SCN9A: variants seen among roughly 807,000 people sequenced by gnomAD.
SCN9A encodes sodium channel protein type 9 subunit alpha.
SCN9A carries 131 observed loss-of-function variants against 187.0 expected under a neutral mutation model. That is an observed-to-expected ratio of 0.70 (90% CI 0.61 to 0.81). The LOEUF (loss-of-function observed/expected upper bound fraction) is 0.81. SCN9A is among the 30% of genes least tolerant of loss of function. The probability of loss-of-function intolerance (pLI) is 0.00; values close to 1 mark genes in which losing one functional copy is unlikely to be tolerated. For missense variants in SCN9A, 2,252 were observed against 2,396.6 expected (o/e 0.94, Z 1.26); for synonymous variants, 809 against 808.6 (o/e 1.00, Z -0.01).
At chr2:166,373,360 A>G (rs1574977754) in intron 1 of SCN9A, among the ~76,000 whole-genome samples, 1 of 140,052 alleles carries the variant, frequency 7.1e-6, no homozygotes, top group African/African-American at 2.7e-5. Flanking sequence ...TTGTTAGGGG[A>G]GACAGGATGG....
chr2:166,242,541 GC>G lies in SCN9A; in HGVS notation c.3587del (p.Ser1196ThrfsTer6). On this transcript the variant is annotated frameshift_variant, in exon 19 of 27. Coordinates refer to ENST00000642356, the MANE Select transcript of SCN9A (RefSeq NM_001365536.1). LOFTEE classifies it high-confidence loss of function. ...YKIVEHSWFE[S>X]FIVLMILLSS... is the part of the protein sequence containing the mutation. ...TGAGCAGGATCATGAGGACAATGAA[GC>G]TTTCAAACCAACTGTGTTCAACAAT... is the stretch of plus-strand genomic sequence containing the variant. 6.3e-7 allele frequency: 1 copy of G among 1,596,130 alleles called. No homozygotes were observed. The highest frequency in any genetic ancestry group is 8.5e-7 in the Non-Finnish European group (1 of 1,170,754).
chr2:166,343,782 T>G lies in SCN9A; in HGVS notation c.-51+31915A>C, dbSNP rs1699840413. Among the ~76,000 whole-genome samples, 3 of 149,946 alleles carry G rather than the reference T, an allele frequency of 2.0e-5. No individual in the cohort carries two copies. In the South Asian group the frequency reaches 6.3e-4, roughly 32 times the overall value. On this transcript the variant is annotated intron_variant, in intron 1 of 26. Coordinates refer to ENST00000642356, the MANE Select transcript of SCN9A (RefSeq NM_001365536.1). ...ACTGCACTCAGCCTGGGAGACAGAGTGAGATTGTGTTTCAAAAAAAGAAAA... is the reference window on the plus strand; with the variant it reads ...ACTGCACTCAGCCTGGGAGACAGAGGGAGATTGTGTTTCAAAAAAAGAAAA...
chr2:166,316,367 A>G (rs562685659), intron 1 of SCN9A, among the ~76,000 whole-genome samples: 1 of 152,304 alleles, frequency 6.6e-6, no homozygotes, highest in African/African-American at 2.4e-5. Flanking sequence ...GTTATAGGGG[A>G]AATCAGTGTT....
At chr2:166,281,324 G>C (rs946596914) in intron 13 of SCN9A, among the ~76,000 whole-genome samples, 2 of 152,142 alleles carry the variant, frequency 1.3e-5, no homozygotes, top group African/African-American at 4.8e-5. Flanking sequence ...ATTATATAGT[G>C]ACAGAATCAC....
chr2:166,294,370 A>G (rs1322439030), intron 8 of SCN9A, among the ~76,000 whole-genome samples: 1 of 152,172 alleles, frequency 6.6e-6, no homozygotes, highest in Non-Finnish European at 1.5e-5. Context: ...GATTTATATG[A>G]CTTCTGTCTT....
In SCN9A at chr2:166,196,828, T is replaced by C. The variant is rs1312353746; in HGVS notation, c.*1844A>G. ...TAGCCTAAGATGAATGAACCTAAGA[T>C]GGTATAAAGAATCTTTAGCCCTAGA... On this transcript the variant is annotated 3_prime_UTR_variant, in exon 27 of 27. Transcript: ENST00000642356. The C allele has an allele frequency of 6.6e-6, 1 of 152,138 alleles. No homozygotes were observed. The highest frequency in any genetic ancestry group is 1.5e-5 in the Non-Finnish European group (1 of 67,990). 9.4% of individuals were successfully genotyped at this position (152,138 alleles called of 1,614,324 possible).
chr2:166,317,055 G>T (rs929186725), intron 1 of SCN9A, among the ~76,000 whole-genome samples: 2 of 151,836 alleles, frequency 1.3e-5, no homozygotes, highest in Non-Finnish European at 2.9e-5. Flanking sequence ...CACACAGATA[G>T]ATGTAAATTA....
At chr2:166,296,211 G>T (rs1161784398) in intron 7 of SCN9A, 1 of 152,062 alleles carries the variant, frequency 6.6e-6, no homozygotes, top group East Asian at 1.9e-4. Flanking sequence ...TTATAAAGTT[G>T]TTAAATAGTA....
At chr2:166,321,117 A>T (rs1699226608) in intron 1 of SCN9A, among the ~76,000 whole-genome samples, 1 of 152,234 alleles carries the variant, frequency 6.6e-6, no homozygotes, top group Non-Finnish European at 1.5e-5. Flanking sequence ...GAAAAAATTC[A>T]ATTCAAAAAG....
At chr2:166,327,487 T>C (rs1699393334) in intron 1 of SCN9A, among the ~76,000 whole-genome samples, 1 of 152,156 alleles carries the variant, frequency 6.6e-6, no homozygotes, top group South Asian at 2.1e-4. Flanking sequence ...ATTCTACTTA[T>C]CTTGTTTTAT....
chr2:166,321,293 G>A (rs1404341482), intron 1 of SCN9A: 7 of 152,144 alleles, frequency 4.6e-5, no homozygotes, highest in Admixed American at 3.9e-4. Context: ...GCCAAGGCGG[G>A]TGAATCACTT....
At chr2:166,305,425 G>A (rs552493086) in intron 5 of SCN9A, among the ~76,000 whole-genome samples, 208 of 152,028 alleles carry the variant, frequency 1.4e-3, no homozygotes, top group Middle Eastern at 0.01. Flanking sequence ...GTAATATAAA[G>A]AGCACTGTAC....
In SCN9A at chr2:166,204,121, C is replaced by T. The variant is rs1247750391; in HGVS notation, c.4608G>A (p.Lys1536=). The change falls in exon 26 of 27, where the codon AAG becomes AAA. Residue 1536 remains lysine (K), a synonymous_variant. Coordinates refer to ENST00000642356, the MANE Select transcript of SCN9A (RefSeq NM_001365536.1). ...CLNMVTMMVE[K]EGQSQHMTEV... ...CAGTCATATGTTGACTTTGACCCTC[C>T]TTTTCTACCATCATGGTTACCATGT... The T allele has an allele frequency of 1.2e-6, 2 of 1,612,622 alleles. No individual in the cohort carries two copies. The highest frequency in any genetic ancestry group is 1.3e-5 in the African/African-American group (1 of 74,858).
chr2:166,211,126 G>A (rs1694072246), intron 24 of SCN9A, among the ~76,000 whole-genome samples: 1 of 152,070 alleles, frequency 6.6e-6, no homozygotes, highest in African/African-American at 2.4e-5. Context: ...AAGTGAAAGG[G>A]AAGTTTGAAA....
chr2:166,293,270 C>A lies in SCN9A; in HGVS notation c.1068G>T (p.Arg356Ser). The change falls in exon 9 of 27, where the codon AGG becomes AGT. Residue 356 changes from arginine (R) to serine (S), a missense_variant. Arg to Ser is a moderately radical substitution (Grantham distance 110). Coordinates refer to ENST00000642356, the MANE Select transcript of SCN9A (RefSeq NM_001365536.1). The stretch of plus-strand genomic sequence containing the variant: ...TTTCCCAGTAATCTTGGGTCATTAG[C>A]CTAAACAAGGCTAAGAAGGCCCAGC... ...TFSWAFLALF[R>S]LMTQDYWENL... is the part of the protein sequence containing the mutation. The A allele has an allele frequency of 1.3e-6, 2 of 1,593,772 alleles. No individual in the cohort carries two copies. The highest frequency in any genetic ancestry group is 1.7e-6 in the Non-Finnish European group (2 of 1,168,866).
At chr2:166,345,966 T>C (rs750755032) in intron 1 of SCN9A, among the ~76,000 whole-genome samples, 14 of 152,296 alleles carry the variant, frequency 9.2e-5, no homozygotes, top group Non-Finnish European at 1.3e-4. Flanking sequence ...TTTGGGAGTA[T>C]TCTGCACTAA....
In SCN9A at chr2:166,197,021, CA is replaced by C. The variant is rs890101185; in HGVS notation, c.*1650del. The stretch of plus-strand genomic sequence containing the variant: ...CTTTCTTTTTAAATTGCCAGAACAA[CA>C]AAAAATATGTGCTTTAAACATTTAT... On this transcript the variant is annotated 3_prime_UTR_variant, in exon 27 of 27. Transcript: ENST00000642356. The C allele has an allele frequency of 4.6e-5, 7 of 151,836 alleles. No individual in the cohort carries two copies. The highest frequency in any genetic ancestry group is 1.0e-4 in the Non-Finnish European group (7 of 67,900). The allele number at this position is 151,836 out of a possible 1,614,324, so 9.4% of individuals were successfully genotyped here. A position where few individuals can be genotyped will look rare whatever the true frequency, so the allele number is the denominator to read the frequency against.
chr2:166,244,126 T>C (rs969187243), intron 18 of SCN9A, among the ~76,000 whole-genome samples: 2 of 152,006 alleles, frequency 1.3e-5, no homozygotes, highest in Non-Finnish European at 2.9e-5. Context: ...GATTTTGAGA[T>C]GCCTGTGAAT....
At position 166,280,570 on chromosome 2, in the gene SCN9A, A is replaced by G. The variant is rs1358344300; in HGVS notation, c.2130T>C (p.Cys710=). Residue 710 remains cysteine (C), a synonymous_variant, in exon 14 of 27, where the codon TGT becomes TGC. Coordinates refer to ENST00000642356, the MANE Select transcript of SCN9A (RefSeq NM_001365536.1). Reference sequence around the variant, plus strand: ...GTGCAAATCTGTACCACCAAGGTGGACATTTTTGTCTGGACTCTTCAAGTT... The same window carrying G: ...GTGCAAATCTGTACCACCAAGGTGGGCATTTTTGTCTGGACTCTTCAAGTT... ...VEELEESRQK[C]PPWWYRFAHK... 3.8e-6 allele frequency: 6 copies of G among 1,583,566 alleles called. No individual in the cohort carries two copies. The African/African-American group carries it at 4.0e-5, about 11-fold the overall frequency.
Sources: gnomAD v4.1 joint callset for allele counts (sites outside exome capture counted in the v4.1 genomes callset) on GRCh38, gnomAD v4.1.1 for gene constraint, MANE v1.5 for transcripts, NCBI Gene and HGNC (gene_info 2026-07-23, HGNC 2026-07-21) for gene names.